Variants in RYR2 observed in about 807,000 individuals in gnomAD.
RYR2 encodes the protein cardiac muscle ryanodine receptor-calcium release channel.
A neutral mutation model predicts 601.1 loss-of-function variants in RYR2; 227 were observed. That is an observed-to-expected ratio of 0.38 (90% CI 0.34 to 0.42). RYR2 has a LOEUF of 0.42. Among genes scored for constraint, RYR2 ranks in the 10% least tolerant of loss-of-function variants. RYR2 has a pLI of 1.00. For missense variants in RYR2, 4,646 were observed against 6,156.5 expected, an observed-to-expected ratio of 0.75 and a Z score of 8.21; for synonymous variants, 2,223 against 2,175.1, an observed-to-expected ratio of 1.02 and a Z score of -0.61.
At chr1:237,341,114 T>C (rs868841803) in intron 3 of RYR2, among the ~76,000 whole-genome samples, 1 of 152,250 alleles carries the variant, frequency 6.6e-6, no homozygotes, top group Non-Finnish European at 1.5e-5. Context: ...AGTTAGGCAC[T>C]GTTTTAGATT....
At chr1:237,398,372 G>C (rs1703050927) in intron 10 of RYR2, among the ~76,000 whole-genome samples, 1 of 152,148 alleles carries the variant, frequency 6.6e-6, no homozygotes, top group Non-Finnish European at 1.5e-5. Flanking sequence ...AACCATATCT[G>C]ATAAAGGACT....
At chr1:237,531,196 A>G (rs1326035250) in intron 25 of RYR2, among the ~76,000 whole-genome samples, 2 of 152,190 alleles carry the variant, frequency 1.3e-5, no homozygotes, top group Non-Finnish European at 2.9e-5. Context: ...TCGAGGATTA[A>G]TTATGAAGTC....
chr1:237,455,840 A>G lies in RYR2; in HGVS notation c.1477-760A>G, dbSNP rs577162926. Among the ~76,000 whole-genome samples, 18 of 152,346 alleles carry G rather than the reference A, an allele frequency of 1.2e-4. No individual in the cohort carries two copies. The South Asian group carries it at 3.5e-3, about 30-fold the overall frequency. On this transcript the variant is annotated intron_variant, in intron 15 of 104. Transcript: ENST00000366574. ...TTCCTGGGAGCTTTCACATATGCCA[A>G]ATTGTTAGGCTCTTTTACAATGCTG...
chr1:237,194,787 G>T (rs1680373343), intron 1 of RYR2, among the ~76,000 whole-genome samples: 1 of 152,226 alleles, frequency 6.6e-6, no homozygotes, highest in African/African-American at 2.4e-5. Context: ...GGTTTTAGCT[G>T]TAAGTTTCCA....
At chr1:237,661,458 C>A (rs1683788418) in intron 56 of RYR2, among the ~76,000 whole-genome samples, 1 of 152,036 alleles carries the variant, frequency 6.6e-6, no homozygotes, top group African/African-American at 2.4e-5. Flanking sequence ...AACAAACCTG[C>A]ACGTTCTGCA....
chr1:237,301,927 G>C (rs1223960580), intron 2 of RYR2, among the ~76,000 whole-genome samples: 1 of 152,128 alleles, frequency 6.6e-6, no homozygotes, highest in Admixed American at 6.5e-5. Context: ...AGCCTCACCT[G>C]TTAAGGCCCA....
chr1:237,179,907 T>C (rs1678510781), intron 1 of RYR2, among the ~76,000 whole-genome samples: 2 of 152,080 alleles, frequency 1.3e-5, no homozygotes, highest in Non-Finnish European at 2.9e-5. Flanking sequence ...AAATTCTGCC[T>C]GATTGACCAA....
chr1:237,653,196 G>A (rs1370954048), intron 51 of RYR2, among the ~76,000 whole-genome samples: 1 of 152,120 alleles, frequency 6.6e-6, no homozygotes, highest in African/African-American at 2.4e-5. Context: ...GTAATAAATT[G>A]CATCCATAAC....
chr1:237,813,298 G>C (rs934910100), intron 100 of RYR2, among the ~76,000 whole-genome samples: 5 of 152,160 alleles, frequency 3.3e-5, no homozygotes, highest in Non-Finnish European at 7.4e-5. Context: ...ATATCTACCA[G>C]CCTCAGGGCA....
At chr1:237,340,200 A>G (rs1230250104) in intron 3 of RYR2, among the ~76,000 whole-genome samples, 2 of 152,228 alleles carry the variant, frequency 1.3e-5, no homozygotes, top group East Asian at 3.8e-4. Flanking sequence ...CTATGAAAAC[A>G]AATCCAACTC....
intron 100 of RYR2, among the ~76,000 whole-genome samples, chr1:237,816,067 C>T (rs1445400969): frequency 6.6e-6 from 1 of 152,100 alleles, no homozygotes; most frequent in East Asian, 1.9e-4. Context: ...CTCAAAGAAG[C>T]AGGGATGGAG....
chr1:237,752,517 T>C (rs926282481), intron 80 of RYR2, among the ~76,000 whole-genome samples: 1 of 151,984 alleles, frequency 6.6e-6, no homozygotes, highest in Non-Finnish European at 1.5e-5. Flanking sequence ...AGTTGTAGTC[T>C]TAGTATTTTC....
rs868750680 is a variant in RYR2, at chr1:237,591,818, C to T, written c.4240C>T (p.Arg1414Trp). ...CACCGAAGATGTCCTTGCTGATGAT[C>T]GGGATGACTATGATTTCTTGATGCA... The part of the protein sequence containing the change: ...RLTEDVLADD[R>W]DDYDFLMQTS... The change falls in exon 32 of 105, where the codon CGG becomes TGG. Residue 1414 changes from arginine to tryptophan, a missense_variant. Arg to Trp is a moderately radical substitution (Grantham distance 101). Coordinates refer to ENST00000366574, the MANE Select transcript of RYR2 (RefSeq NM_001035.3). The T allele has an allele frequency of 6.2e-7, 1 of 1,613,424 alleles. No individual in the cohort carries two copies. The highest frequency in any genetic ancestry group is 1.1e-5 in the South Asian group (1 of 90,942).
intron 27 of RYR2, among the ~76,000 whole-genome samples, chr1:237,565,675 C>A (rs1029015608): frequency 6.6e-5 from 10 of 152,178 alleles, no homozygotes; most frequent in African/African-American, 2.4e-4. Context: ...TTGGTCAAGT[C>A]TGAAATTTCC....
chr1:237,209,448 A>C (rs1682313226), intron 1 of RYR2, among the ~76,000 whole-genome samples: 1 of 151,432 alleles, frequency 6.6e-6, no homozygotes, highest in African/African-American at 2.4e-5. Context: ...ACATATATTA[A>C]AGCCTTATTC....
intron 80 of RYR2, chr1:237,743,569 A>G (rs772326169): frequency 5.8e-6 from 3 of 518,680 alleles, no homozygotes; most frequent in African/African-American, 1.9e-5. Flanking sequence ...GTTTATTGCT[A>G]TTTTGCTTCT....
chr1:237,808,802 C>A, intron 99 of RYR2, 99 bp from the exon 100 acceptor site: 3 of 1,107,954 alleles, frequency 2.7e-6, no homozygotes, highest in Non-Finnish European at 4.1e-6. Context: ...GTAAACACGG[C>A]TGTGTTCTCA....
chr1:237,590,087 A>C (rs904730799), intron 30 of RYR2, 86 bp downstream of exon 30: 2 of 1,226,290 alleles, frequency 1.6e-6, no homozygotes, highest in Non-Finnish European at 2.3e-6. Flanking sequence ...TTAGACAATT[A>C]TTATGACTTA....
In RYR2 at chr1:237,755,180, G is replaced by T; in HGVS notation, c.11146-1108G>T. ...TAAAGGTTTCTTTTTTCATTTGTTT[G>T]AGCCCATTTCTTTTCCCCCTCCTTT... is the stretch of plus-strand genomic sequence containing the variant. On this transcript the variant is annotated intron_variant, in intron 80 of 104. Transcript: ENST00000366574. 9 of 1,042,884 alleles carry T rather than the reference G, an allele frequency of 8.6e-6. No homozygotes were observed. The South Asian group carries it at 1.2e-4, about 14-fold the overall frequency. 64.6% of individuals were successfully genotyped at this position (1,042,884 alleles called of 1,614,324 possible).
Sources: allele counts gnomAD v4.1 joint callset (sites outside exome capture counted in the v4.1 genomes callset), GRCh38; gene constraint gnomAD v4.1.1; transcripts MANE v1.5; gene names NCBI Gene and HGNC (gene_info 2026-07-23, HGNC 2026-07-21).